Variants in NREP observed in about 807,000 individuals in gnomAD.
The protein encoded by NREP is neuronal regeneration-related protein.
NREP carries 5 observed loss-of-function variants against 8.6 expected under a neutral mutation model. The observed-to-expected ratio is 0.58, with a 90% confidence interval of 0.30 to 1.22. NREP has a LOEUF of 1.22. Ranked by LOEUF, NREP falls within the 50% of genes most tolerant of loss-of-function variation. NREP has a pLI of 0.07. For missense variants in NREP, 86 were observed against 82.5 expected, an observed-to-expected ratio of 1.04 and a Z score of -0.17; for synonymous variants, 27 against 28.0, an observed-to-expected ratio of 0.96 and a Z score of 0.11.
intron 2 of NREP, among the ~76,000 whole-genome samples, chr5:111,957,950 G>T (rs1379351438): frequency 6.6e-6 from 1 of 151,726 alleles, no homozygotes; most frequent in Non-Finnish European, 1.5e-5. Flanking sequence ...TGATAAAAAT[G>T]CAACAATACC....
intron 2 of NREP, among the ~76,000 whole-genome samples, chr5:111,742,961 T>C (rs1032132731): frequency 3.3e-5 from 5 of 152,142 alleles, no homozygotes; most frequent in African/African-American, 1.2e-4. Flanking sequence ...AGCCAAACTG[T>C]GGACTGGACT....
chr5:111,966,037 C>G (rs1561373127), intron 2 of NREP, among the ~76,000 whole-genome samples: 1 of 152,112 alleles, frequency 6.6e-6, no homozygotes. Flanking sequence ...GTGATCACAC[C>G]CAGAGATGCT....
intron 2 of NREP, among the ~76,000 whole-genome samples, chr5:111,920,238 G>A (rs1337297404): frequency 6.6e-6 from 1 of 152,006 alleles, no homozygotes; most frequent in African/African-American, 2.4e-5. Flanking sequence ...TCAGGAAATT[G>A]TGTCTCCCTG....
intron 2 of NREP, among the ~76,000 whole-genome samples, chr5:111,895,506 T>C (rs552313741): frequency 1.3e-5 from 2 of 152,072 alleles, no homozygotes; most frequent in South Asian, 4.2e-4. Flanking sequence ...GGGATGGTAG[T>C]GAATTTGCCA....
intron 2 of NREP, among the ~76,000 whole-genome samples, chr5:111,821,493 T>C (rs1205677070): frequency 2.6e-5 from 4 of 152,182 alleles, no homozygotes; most frequent in Non-Finnish European, 5.9e-5. Flanking sequence ...ATTAATGTAA[T>C]CATATTTGGG....
intron 2 of NREP, among the ~76,000 whole-genome samples, chr5:111,874,875 C>T (rs1308766820): frequency 6.6e-6 from 1 of 152,172 alleles, no homozygotes; most frequent in African/African-American, 2.4e-5. Context: ...CCAGATCTAA[C>T]ACAATGATGT....
intron 2 of NREP, among the ~76,000 whole-genome samples, chr5:111,816,231 C>G (rs947719202): frequency 2.0e-5 from 3 of 152,072 alleles, no homozygotes; most frequent in South Asian, 2.1e-4. Context: ...AATGCTTTGC[C>G]AAGAGGCCCG....
At chr5:111,732,561 A>G (rs1748688446) in intron 3 of NREP, 1 of 151,864 alleles carries the variant, frequency 6.6e-6, no homozygotes. Context: ...CACACCCTTA[A>G]GGGTCTAGAT....
At chr5:111,758,261 A>C, upstream of NREP, 4 of 985,570 alleles carry the variant, frequency 4.1e-6, no homozygotes, top group Non-Finnish European at 4.8e-6. Context: ...ACAACCAGCC[A>C]GAGCTGCGGC....
intron 2 of NREP, among the ~76,000 whole-genome samples, chr5:111,788,249 A>G (rs907652375): frequency 2.6e-5 from 4 of 152,238 alleles, no homozygotes; most frequent in Non-Finnish European, 5.9e-5. Flanking sequence ...TGGCCAAAAT[A>G]TTTATGATCA....
intron 2 of NREP, among the ~76,000 whole-genome samples, chr5:111,957,481 C>A: frequency 6.6e-6 from 1 of 151,886 alleles, no homozygotes; most frequent in East Asian, 1.9e-4. Flanking sequence ...TAATACCTAT[C>A]TTATATGAAC....
At chr5:111,826,395 A>G (rs1156271483) in intron 2 of NREP, among the ~76,000 whole-genome samples, 1 of 152,204 alleles carries the variant, frequency 6.6e-6, no homozygotes, top group Non-Finnish European at 1.5e-5. Context: ...GCTTTTGGCA[A>G]TAAATCTGGC....
At chr5:111,758,135 C>A, upstream of NREP, 2 of 985,488 alleles carry the variant, frequency 2.0e-6, no homozygotes, top group South Asian at 4.7e-5. Context: ...CAGCTGGGTA[C>A]GCGCGCCCCA....
intron 2 of NREP, among the ~76,000 whole-genome samples, chr5:111,886,371 G>T: frequency 6.6e-6 from 1 of 151,698 alleles, no homozygotes; most frequent in Non-Finnish European, 1.5e-5. Flanking sequence ...TACACTGTTG[G>T]TGGGACTGTA....
At chr5:111,799,208 T>C (rs1341386297) in intron 2 of NREP, among the ~76,000 whole-genome samples, 1 of 152,226 alleles carries the variant, frequency 6.6e-6, no homozygotes, top group Non-Finnish European at 1.5e-5. Context: ...ATGTGATGCC[T>C]CCAGATTTGT....
At chr5:111,861,954 T>C (rs1753553466) in intron 2 of NREP, among the ~76,000 whole-genome samples, 1 of 152,182 alleles carries the variant, frequency 6.6e-6, no homozygotes, top group South Asian at 2.1e-4. Flanking sequence ...ACATATGATT[T>C]TCTTATTTAC....
At chr5:111,758,284 G>A (rs909858968), upstream of NREP, 5 of 983,392 alleles carry the variant, frequency 5.1e-6, no homozygotes, top group East Asian at 2.3e-4. Context: ...GGCGTGATCG[G>A]CCCAAGACAT....
intron 2 of NREP, among the ~76,000 whole-genome samples, chr5:111,795,064 G>A (rs1751845576): frequency 6.6e-6 from 1 of 151,444 alleles, no homozygotes; most frequent in African/African-American, 2.4e-5. Flanking sequence ...TCTTAAAACA[G>A]TTAACCAGTT....
At position 111,729,436 on chromosome 5, in the gene NREP, A is replaced by C. The variant is rs1748354764; in HGVS notation, c.*1485T>G. 6.6e-6 allele frequency: 1 copy of C among 152,608 alleles called. No homozygotes were observed. The highest frequency in any genetic ancestry group is 1.9e-4 in the East Asian group (1 of 5,192). 9.5% of individuals were successfully genotyped at this position (152,608 alleles called of 1,614,324 possible). On this transcript the variant is annotated 3_prime_UTR_variant, in exon 4 of 4. Transcript: ENST00000257435. ...GCATTTTCAGCAGTACACAACTGCA[A>C]CTCTACATAAATGCCACAGATGCAG...
Sources: gnomAD v4.1 joint callset for allele counts (sites outside exome capture counted in the v4.1 genomes callset) on GRCh38, gnomAD v4.1.1 for gene constraint, MANE v1.5 for transcripts, NCBI Gene and HGNC (gene_info 2026-07-23, HGNC 2026-07-21) for gene names.